Variants in COMMD10 observed in about 807,000 individuals in gnomAD.
COMMD10 encodes the protein COMM domain-containing protein 10.
Under a neutral mutation model 28.9 loss-of-function variants are expected in COMMD10, and 33 were observed. The ratio of observed to expected loss-of-function variants is 1.14; its 90% CI spans 0.87 to 1.53. The LOEUF is 1.53. Ranked by LOEUF, COMMD10 falls within the 40% of genes most tolerant of loss-of-function variation. COMMD10 has a pLI of 0.00. For synonymous variants in COMMD10, 110 were observed against 81.7 expected, an observed-to-expected ratio of 1.35 and a Z score of -1.87; for missense variants, 310 against 233.4, an observed-to-expected ratio of 1.33 and a Z score of -2.14.
At position 116,275,210 on chromosome 5, in the gene COMMD10, A is replaced by T. The variant is rs140593673; in HGVS notation, c.511-16307A>T. ...TCAGTTTTGTGGATGTACCTCCAAA[A>T]TAGCTCTTAAATCTGTATGTGTTAT... On this transcript the variant is annotated intron_variant, in intron 5 of 6. Transcript: ENST00000274458. Among the ~76,000 whole-genome samples, 388 of 151,886 alleles carry T rather than the reference A, an allele frequency of 2.6e-3. 11 individuals are homozygous for T. The highest frequency in any genetic ancestry group is 9.1e-3 in the African/African-American group (377 of 41,288).
chr5:116,148,290 G>A (rs73253271), intron 5 of COMMD10, among the ~76,000 whole-genome samples: 1,525 of 151,950 alleles, frequency 0.01, 23 homozygotes, highest in African/African-American at 0.033. Context: ...CTATATGTGT[G>A]TTTGTTAATT....
chr5:116,231,614 A>T (rs1414909789), intron 5 of COMMD10, among the ~76,000 whole-genome samples: 2 of 152,180 alleles, frequency 1.3e-5, no homozygotes, highest in Non-Finnish European at 1.5e-5. Flanking sequence ...TTCTTAAACA[A>T]TGGGCAAAAT....
chr5:116,120,971 A>T (rs766537793), intron 4 of COMMD10, among the ~76,000 whole-genome samples: 5 of 151,692 alleles, frequency 3.3e-5, no homozygotes, highest in African/African-American at 1.2e-4. Context: ...ATGTTTTTGT[A>T]TAGGCCTATA....
chr5:116,263,742 C>G (rs992672212), intron 5 of COMMD10, among the ~76,000 whole-genome samples: 1 of 151,784 alleles, frequency 6.6e-6, no homozygotes, highest in South Asian at 2.1e-4. Context: ...TACCTATAGC[C>G]TGGAAGCTCC....
At chr5:116,140,035 C>T (rs1752147079) in intron 5 of COMMD10, among the ~76,000 whole-genome samples, 2 of 151,624 alleles carry the variant, frequency 1.3e-5, no homozygotes, top group Non-Finnish European at 3.0e-5. Flanking sequence ...ACCTGCTTCT[C>T]CCCATTTTTT....
chr5:116,194,900 G>C (rs767276080), intron 5 of COMMD10, among the ~76,000 whole-genome samples: 13 of 152,072 alleles, frequency 8.5e-5, no homozygotes, highest in Admixed American at 2.0e-4. Flanking sequence ...GATGAACATA[G>C]ATGCTAAAAT....
rs1267996392 is a variant in COMMD10 at position 116,194,919 on chromosome 5, A to G, written c.510+60741A>G. Among the ~76,000 whole-genome samples, 3 of 152,208 alleles carry G rather than the reference A, an allele frequency of 2.0e-5. No individual in the cohort carries two copies. In the East Asian group the frequency reaches 5.8e-4, roughly 29 times the overall value. ...AACATAGATGCTAAAATCCTTAACA[A>G]AATACTAGCTAACCAAATCCAACAA... On this transcript the variant is annotated intron_variant, in intron 5 of 6. Transcript: ENST00000274458.
At chr5:116,210,206 C>G (rs1366855736) in intron 5 of COMMD10, among the ~76,000 whole-genome samples, 1 of 152,158 alleles carries the variant, frequency 6.6e-6, no homozygotes, top group African/African-American at 2.4e-5. Flanking sequence ...TCTGACCTCT[C>G]AATACATTTG....
At chr5:116,262,494 T>G (rs1750475829) in intron 5 of COMMD10, among the ~76,000 whole-genome samples, 1 of 151,780 alleles carries the variant, frequency 6.6e-6, no homozygotes, top group Admixed American at 6.6e-5. Flanking sequence ...GACAAATGCC[T>G]GCATTTCATC....
rs1292475701 is a variant in COMMD10 at position 116,292,516 on chromosome 5, A to G, written c.*27A>G. On this transcript the variant is annotated 3_prime_UTR_variant, in exon 7 of 7. Transcript: ENST00000274458. ...GTTTTCGAAGACTGTTTTTTTCATC[A>G]CGCTCCTGCCACCTCATTATTTTGC... 1 of 1,567,554 alleles carries G rather than the reference A, an allele frequency of 6.4e-7. No homozygotes were observed. The highest frequency in any genetic ancestry group is 8.7e-7 in the Non-Finnish European group (1 of 1,153,380).
At chr5:116,272,396 G>C (rs1026348594) in intron 5 of COMMD10, among the ~76,000 whole-genome samples, 11 of 151,852 alleles carry the variant, frequency 7.2e-5, no homozygotes, top group Admixed American at 1.3e-4. Context: ...TAGTGGAGGA[G>C]GACTCTAGTG....
chr5:116,191,613 A>G (rs752534570), intron 5 of COMMD10, among the ~76,000 whole-genome samples: 2 of 150,758 alleles, frequency 1.3e-5, no homozygotes, highest in African/African-American at 2.4e-5. Context: ...TCTCACCCCA[A>G]CCCCCAACAG....
At chr5:116,203,727 G>A (rs1748736011) in intron 5 of COMMD10, among the ~76,000 whole-genome samples, 1 of 151,840 alleles carries the variant, frequency 6.6e-6, no homozygotes, top group African/African-American at 2.4e-5. Context: ...CCCTAAAAGA[G>A]CTCCTGAAGG....
intron 5 of COMMD10, chr5:116,217,926 G>T: frequency 1.4e-6 from 1 of 692,090 alleles, no homozygotes; most frequent in African/African-American, 1.8e-5. Flanking sequence ...AAAAAAAAAA[G>T]TAAAACAAAA....
intron 5 of COMMD10, among the ~76,000 whole-genome samples, chr5:116,246,398 C>T (rs1460100732): frequency 6.6e-6 from 1 of 151,826 alleles, no homozygotes; most frequent in Non-Finnish European, 1.5e-5. Flanking sequence ...TAAAAATGGC[C>T]ATACTTCCCA....
intron 5 of COMMD10, among the ~76,000 whole-genome samples, chr5:116,257,621 C>T (rs1191447710): frequency 1.3e-5 from 2 of 151,544 alleles, no homozygotes; most frequent in African/African-American, 4.9e-5. Flanking sequence ...GGCCCTTTAC[C>T]TGAAATCATG....
At chr5:116,117,278 C>T (rs765628208) in intron 4 of COMMD10, among the ~76,000 whole-genome samples, 10 of 151,798 alleles carry the variant, frequency 6.6e-5, no homozygotes, top group East Asian at 1.9e-4. Flanking sequence ...TTTTCCCTTG[C>T]GTAAATATCT....
chr5:116,219,658 C>T (rs1237020154), intron 5 of COMMD10, among the ~76,000 whole-genome samples: 3 of 152,104 alleles, frequency 2.0e-5, no homozygotes, highest in South Asian at 4.1e-4. Context: ...CCCAGTGAAA[C>T]TATTTTGGAC....
At chr5:116,117,400 C>T (rs1023185610) in intron 4 of COMMD10, among the ~76,000 whole-genome samples, 2 of 152,138 alleles carry the variant, frequency 1.3e-5, no homozygotes, top group Non-Finnish European at 2.9e-5. Flanking sequence ...TGAATCTCAC[C>T]TTGAGTGGTT....
Sources: gnomAD v4.1 joint callset for allele counts (sites outside exome capture counted in the v4.1 genomes callset) on GRCh38, gnomAD v4.1.1 for gene constraint, MANE v1.5 for transcripts, NCBI Gene and HGNC (gene_info 2026-07-23, HGNC 2026-07-21) for gene names.